Variants in IL1RAPL1 observed in about 807,000 individuals in gnomAD.
IL1RAPL1 encodes interleukin 1 receptor accessory protein like 1.
In IL1RAPL1, 3 loss-of-function variants were observed where a neutral mutation model predicts 48.4. The ratio of observed to expected loss-of-function variants is 0.06; its 90% CI spans 0.03 to 0.16. The LOEUF is 0.16. Among genes scored for constraint, IL1RAPL1 ranks in the 10% least tolerant of loss-of-function variants. The pLI is 1.00. For synonymous variants in IL1RAPL1, 185 were observed against 187.7 expected (o/e 0.99, Z 0.12); for missense variants, 349 against 530.6 (o/e 0.66, Z 3.36).
At chrX:29,396,688 A>G (rs1476201296) in intron 4 of IL1RAPL1, among the ~76,000 whole-genome samples, 1 of 111,946 alleles carries the variant, frequency 8.9e-6, no homozygotes, top group Non-Finnish European at 1.9e-5. Flanking sequence ...TTTTATTTCC[A>G]TGGACAATTC....
At chrX:29,123,727 G>A (rs892185748) in intron 2 of IL1RAPL1, among the ~76,000 whole-genome samples, 2 of 111,552 alleles carry the variant, frequency 1.8e-5, no homozygotes, top group Non-Finnish European at 3.8e-5. Context: ...GAGCTGCACT[G>A]CCCAATATGG....
Position 28,898,061 on chromosome X carries a change from T to C in IL1RAPL1, c.82+108636T>C, listed in dbSNP as rs193094274. Among the ~76,000 whole-genome samples, 6 of 111,718 alleles carry C rather than the reference T, an allele frequency of 5.4e-5. No individual in the cohort carries two copies. The East Asian group carries it at 1.7e-3, about 32-fold the overall frequency. ...CATTAGTTAAGGCAGGAACAGGCCA[T>C]TTACATTTCACTTCTTTTGTGATTC... On this transcript the variant is annotated intron_variant, in intron 2 of 10. Coordinates refer to ENST00000378993, the MANE Select transcript of IL1RAPL1 (RefSeq NM_014271.4).
chrX:29,602,498 T>G (rs1187795057), intron 5 of IL1RAPL1, among the ~76,000 whole-genome samples: 2 of 112,444 alleles, frequency 1.8e-5, no homozygotes, highest in African/African-American at 6.5e-5. Flanking sequence ...TTTTTGTTTA[T>G]GTAAATATTG....
At chrX:28,781,106 G>A (rs1328033890) in intron 1 of IL1RAPL1, among the ~76,000 whole-genome samples, 2 of 109,980 alleles carry the variant, frequency 1.8e-5, no homozygotes, top group Non-Finnish European at 3.8e-5. Flanking sequence ...AAACTTAGCA[G>A]CTTGAAACTA....
intron 2 of IL1RAPL1, among the ~76,000 whole-genome samples, chrX:29,162,336 C>T (rs1929702028): frequency 9.0e-6 from 1 of 110,570 alleles, no homozygotes; most frequent in South Asian, 3.8e-4. Flanking sequence ...AACAAACCTG[C>T]ACGTTCTGCA....
chrX:29,092,218 G>A (rs756702119), intron 2 of IL1RAPL1, among the ~76,000 whole-genome samples: 1 of 111,678 alleles, frequency 9.0e-6, no homozygotes, highest in South Asian at 3.8e-4. Flanking sequence ...TGCAGCATAA[G>A]TGTTTACTTG....
At chrX:28,648,436 AG>A (rs1249264142) in intron 1 of IL1RAPL1, among the ~76,000 whole-genome samples, 2 of 112,253 alleles carry the variant, frequency 1.8e-5, no homozygotes, top group East Asian at 5.6e-4. Context: ...CATATGTCAT[AG>A]GGTTGTCATG....
chrX:28,864,047 A>C (rs1411166057), intron 2 of IL1RAPL1, among the ~76,000 whole-genome samples: 3 of 111,867 alleles, frequency 2.7e-5, no homozygotes, highest in Non-Finnish European at 5.6e-5. Flanking sequence ...ACTCTACCAC[A>C]TACACTATAC....
intron 1 of IL1RAPL1, among the ~76,000 whole-genome samples, chrX:28,736,727 A>T (rs192241650): frequency 8.9e-6 from 1 of 112,247 alleles, no homozygotes; most frequent in African/African-American, 3.2e-5. Context: ...TATGCTGGAT[A>T]AAAAAGTAGG....
chrX:29,894,542 AATC>A (rs759993399), intron 6 of IL1RAPL1, among the ~76,000 whole-genome samples: 1 of 112,403 alleles, frequency 8.9e-6, no homozygotes, highest in East Asian at 2.8e-4. Flanking sequence ...CCAGTAGAAC[AATC>A]ATGTTTGTTT....
chrX:29,061,128 A>T (rs1333535325), intron 2 of IL1RAPL1, among the ~76,000 whole-genome samples: 2 of 111,448 alleles, frequency 1.8e-5, no homozygotes, highest in South Asian at 3.7e-4. Flanking sequence ...CACCAATATC[A>T]TATTTTTAAT....
chrX:29,436,854 C>A (rs901760310), intron 5 of IL1RAPL1, among the ~76,000 whole-genome samples: 3 of 110,202 alleles, frequency 2.7e-5, no homozygotes, highest in Non-Finnish European at 5.7e-5. Context: ...TTTAAAATTG[C>A]CTTCATGTTT....
At chrX:28,949,502 G>A (rs1243020426) in intron 2 of IL1RAPL1, among the ~76,000 whole-genome samples, 1 of 111,581 alleles carries the variant, frequency 9.0e-6, no homozygotes, top group Non-Finnish European at 1.9e-5. Context: ...CAACAGAGTT[G>A]ACAAGAGGCC....
intron 2 of IL1RAPL1, among the ~76,000 whole-genome samples, chrX:29,033,044 A>C (rs1476841851): frequency 1.8e-5 from 2 of 112,086 alleles, no homozygotes; most frequent in African/African-American, 6.5e-5. Flanking sequence ...GGGACATATA[A>C]AAATATGTTA....
Position 29,802,773 on chromosome X carries a change from ATATATATATGTGTG to A in IL1RAPL1, c.779-114689_779-114676del, listed in dbSNP as rs1395084637. On this transcript the variant is annotated intron_variant, in intron 6 of 10. Transcript: ENST00000378993. ...TATATATATATATATATATATATAT[ATATATATATGTGTG>A]TGTGTATATATATATATATATATGT... 2.3e-3 allele frequency among the ~76,000 whole-genome samples: 66 copies of A among 29,288 alleles called. No homozygotes were observed. The East Asian group carries it at 0.033, about 14-fold the overall frequency. 25.4% of individuals were successfully genotyped at this position (29,288 alleles called of 115,157 possible).
intron 2 of IL1RAPL1, among the ~76,000 whole-genome samples, chrX:29,033,014 A>T (rs1926655308): frequency 8.9e-6 from 1 of 112,385 alleles, no homozygotes; most frequent in South Asian, 3.7e-4. Context: ...ATAAAATGTA[A>T]GTTGCTTAGT....
At chrX:29,540,856 T>C in intron 5 of IL1RAPL1, among the ~76,000 whole-genome samples, 1 of 112,102 alleles carries the variant, frequency 8.9e-6, no homozygotes, top group East Asian at 2.8e-4. Context: ...AACACCATTC[T>C]GGACATTGGC....
At chrX:29,536,573 CAAATT>C (rs1921239992) in intron 5 of IL1RAPL1, among the ~76,000 whole-genome samples, 1 of 110,546 alleles carries the variant, frequency 9.0e-6, no homozygotes, top group Non-Finnish European at 1.9e-5. Context: ...ACTGGGGAAA[CAAATT>C]AATATTTCCT....
At chrX:29,515,944 G>A (rs113894487) in intron 5 of IL1RAPL1, among the ~76,000 whole-genome samples, 6 of 111,673 alleles carry the variant, frequency 5.4e-5, no homozygotes, top group African/African-American at 1.6e-4. Flanking sequence ...CCTTGGCCTC[G>A]CAAAGTGCTG....
Sources: gnomAD v4.1 joint callset for allele counts (sites outside exome capture counted in the v4.1 genomes callset) on GRCh38, gnomAD v4.1.1 for gene constraint, MANE v1.5 for transcripts, NCBI Gene and HGNC (gene_info 2026-07-23, HGNC 2026-07-21) for gene names.